PRKG1: variants seen among roughly 807,000 people sequenced by gnomAD.
PRKG1 encodes protein kinase cGMP-dependent 1.
PRKG1 carries 35 observed loss-of-function variants against 88.1 expected under a neutral mutation model. The observed-to-expected ratio is 0.40, with a 90% CI of 0.30 to 0.53. The LOEUF (loss-of-function observed/expected upper bound fraction) is 0.53, where lower values mean the gene tolerates loss of function less well. Among genes scored for constraint, PRKG1 ranks in the 20% least tolerant of loss-of-function variants. The probability of loss-of-function intolerance (pLI) is 0.59; values close to 1 mark genes in which losing one functional copy is unlikely to be tolerated. For missense variants in PRKG1, 540 were observed against 839.8 expected (o/e 0.64, Z 4.41); for synonymous variants, 303 against 292.5 (o/e 1.04, Z -0.37).
chr10:51,543,107 G>A (rs947646258), intron 3 of PRKG1, among the ~76,000 whole-genome samples: 1 of 152,162 alleles, frequency 6.6e-6, no homozygotes, highest in Non-Finnish European at 1.5e-5. Flanking sequence ...CAGTTGGAAA[G>A]CTGTCTTGTA....
chr10:51,504,100 A>C (rs764731783), intron 3 of PRKG1, among the ~76,000 whole-genome samples: 2 of 152,152 alleles, frequency 1.3e-5, no homozygotes, highest in African/African-American at 4.8e-5. Flanking sequence ...AGGATAAGAA[A>C]GAGGTGGCTC....
At chr10:51,744,165 A>G (rs1265881109) in intron 3 of PRKG1, among the ~76,000 whole-genome samples, 1 of 152,164 alleles carries the variant, frequency 6.6e-6, no homozygotes, top group Non-Finnish European at 1.5e-5. Context: ...ATCTTTTACT[A>G]TGGGCAGGCC....
chr10:51,429,682 A>T (rs1341259330), intron 2 of PRKG1, among the ~76,000 whole-genome samples: 1 of 152,144 alleles, frequency 6.6e-6, no homozygotes, highest in Non-Finnish European at 1.5e-5. Flanking sequence ...GAGAAGTATA[A>T]TTAAATGAAA....
At chr10:51,392,790 G>A (rs894130644) in intron 2 of PRKG1, among the ~76,000 whole-genome samples, 1 of 148,902 alleles carries the variant, frequency 6.7e-6, no homozygotes, top group African/African-American at 2.4e-5. Context: ...TCCCGGACGG[G>A]GCGGCTGGCC....
chr10:51,406,161 C>A (rs927160208), intron 2 of PRKG1, among the ~76,000 whole-genome samples: 2 of 152,124 alleles, frequency 1.3e-5, no homozygotes, highest in African/African-American at 4.8e-5. Context: ...AGCCCGCAGC[C>A]ACTCCAGCCC....
intron 2 of PRKG1, among the ~76,000 whole-genome samples, chr10:51,324,161 A>G (rs1841523654): frequency 6.6e-6 from 1 of 152,174 alleles, no homozygotes; most frequent in South Asian, 2.1e-4. Context: ...TAACTGTATA[A>G]CTATAAAATA....
chr10:51,096,278 G>A (rs10995617), intron 1 of PRKG1, among the ~76,000 whole-genome samples: 45,350 of 151,878 alleles, frequency 0.3, 7,062 homozygotes, highest in African/African-American at 0.38. Context: ...ACATTTGTCT[G>A]GCCATTGAAG....
At position 51,407,258 on chromosome 10, in the gene PRKG1, T is replaced by C. The variant is rs559801530; in HGVS notation, c.479-60465T>C. The stretch of plus-strand genomic sequence containing the variant: ...TCCACCCCTTGTCAATTTGAACCCA[T>C]GCACATCCCCTGAGATCATGCATAA... On this transcript the variant is annotated intron_variant, in intron 2 of 17. Transcript: ENST00000373980. 7.9e-5 allele frequency among the ~76,000 whole-genome samples: 12 copies of C among 152,294 alleles called. 1 individual carries two copies. In the South Asian group the frequency reaches 2.1e-3, roughly 26 times the overall value.
At chr10:51,890,668 A>G (rs538816471) in intron 4 of PRKG1, among the ~76,000 whole-genome samples, 2 of 152,334 alleles carry the variant, frequency 1.3e-5, no homozygotes, top group East Asian at 3.9e-4. Context: ...TCATATTAAG[A>G]ATTATGGCCA....
chr10:52,215,446 A>G (rs1840087327), intron 9 of PRKG1, among the ~76,000 whole-genome samples: 1 of 152,104 alleles, frequency 6.6e-6, no homozygotes, highest in South Asian at 2.1e-4. Context: ...TAAGCATTCT[A>G]TGCTATAAAG....
chr10:52,168,086 A>G (rs1838540408), intron 9 of PRKG1, among the ~76,000 whole-genome samples: 2 of 152,164 alleles, frequency 1.3e-5, no homozygotes, highest in South Asian at 4.1e-4. Flanking sequence ...CATCTATTCA[A>G]CAGTTATTTT....
chr10:52,267,844 C>T (rs746720497), intron 10 of PRKG1, among the ~76,000 whole-genome samples: 28 of 151,984 alleles, frequency 1.8e-4, no homozygotes, highest in Non-Finnish European at 2.9e-4. Flanking sequence ...TTTCAAGCTC[C>T]TCCTCTTGCT....
intron 2 of PRKG1, among the ~76,000 whole-genome samples, chr10:51,186,964 A>ATATATATATATATATATG (rs1837507094): frequency 1.4e-5 from 2 of 145,028 alleles, no homozygotes; most frequent in Non-Finnish European, 3.0e-5. Context: ...TTATATATAT[A>ATATATATATATATATATG]TATATATATA....
At chr10:51,160,359 T>G (rs1846327996) in intron 2 of PRKG1, among the ~76,000 whole-genome samples, 1 of 152,202 alleles carries the variant, frequency 6.6e-6, no homozygotes, top group Non-Finnish European at 1.5e-5. Flanking sequence ...TTTTCTGTTA[T>G]TTTGCTCTCT....
chr10:52,191,838 T>C (rs1234434458), intron 9 of PRKG1, among the ~76,000 whole-genome samples: 1 of 152,176 alleles, frequency 6.6e-6, no homozygotes, highest in Non-Finnish European at 1.5e-5. Flanking sequence ...CTCATTAGGT[T>C]TTTAATAGAA....
chr10:51,254,964 G>C (rs943133060), intron 2 of PRKG1, among the ~76,000 whole-genome samples: 1 of 152,000 alleles, frequency 6.6e-6, no homozygotes, highest in African/African-American at 2.4e-5. Flanking sequence ...CGTCGATTTT[G>C]TTAGTCAGAA....
At chr10:52,142,820 A>C (rs1046767814) in intron 8 of PRKG1, among the ~76,000 whole-genome samples, 1 of 152,168 alleles carries the variant, frequency 6.6e-6, no homozygotes, top group Non-Finnish European at 1.5e-5. Context: ...TTTACTTGCC[A>C]TACCATACAT....
At chr10:52,064,294 G>T (rs1203394975) in intron 7 of PRKG1, among the ~76,000 whole-genome samples, 1 of 152,216 alleles carries the variant, frequency 6.6e-6, no homozygotes, top group Non-Finnish European at 1.5e-5. Context: ...CCCTGAGCAT[G>T]TGCACACCTG....
intron 4 of PRKG1, among the ~76,000 whole-genome samples, chr10:51,904,020 A>G (rs1210213787): frequency 1.3e-5 from 2 of 152,088 alleles, no homozygotes; most frequent in African/African-American, 4.8e-5. Context: ...CTCAAATCTC[A>G]TCTTCTATTA....
Sources: allele counts gnomAD v4.1 joint callset (sites outside exome capture counted in the v4.1 genomes callset), GRCh38; gene constraint gnomAD v4.1.1; transcripts MANE v1.5; gene names NCBI Gene and HGNC (gene_info 2026-07-23, HGNC 2026-07-21).